The following ARFGEF1 variants were observed in gnomAD, a reference collection of about 807,000 sequenced individuals.
ARFGEF1 encodes the protein ARF guanine nucleotide exchange factor 1.
A neutral mutation model predicts 231.0 loss-of-function variants in ARFGEF1; 42 were observed. That is an observed-to-expected ratio of 0.18 (90% CI 0.14 to 0.24). The LOEUF (loss-of-function observed/expected upper bound fraction) is 0.24, where lower values mean the gene tolerates loss of function less well. Ranked by LOEUF, ARFGEF1 falls within the 10% of genes least tolerant of loss-of-function variation. The pLI is 1.00. For missense variants in ARFGEF1, 1,345 were observed against 2,192.0 expected (o/e 0.61, Z 7.72); for synonymous variants, 710 against 732.3 (o/e 0.97, Z 0.49).
intron 3 of ARFGEF1, among the ~76,000 whole-genome samples, chr8:67,300,707 G>T (rs186175264): frequency 5.3e-5 from 8 of 150,728 alleles, no homozygotes; most frequent in African/African-American, 1.7e-4. Context: ...AGCTGGGCAT[G>T]GTTACACACA....
Position 67,238,312 on chromosome 8 carries a change from ACAATTTTTGAT to A in ARFGEF1, c.3289+20_3289+30del, listed in dbSNP as rs1472579965. The stretch of plus-strand genomic sequence containing the variant: ...GTGACTTATAATGAGGAAGTTAAAA[ACAATTTTTGAT>A]ACTTTGTAAAAATTCTCACCTAGCC... On this transcript the variant is annotated intron_variant, in intron 22 of 38. Coordinates refer to ENST00000262215, the MANE Select transcript of ARFGEF1 (RefSeq NM_006421.5). 9 of 1,564,326 alleles carry A rather than the reference ACAATTTTTGAT, an allele frequency of 5.8e-6. No individual in the cohort carries two copies.
At chr8:67,175,703 T>C (rs564624965) in intron 5 of ARFGEF1, 2 of 555,156 alleles carry the variant, frequency 3.6e-6, no homozygotes, top group Non-Finnish European at 6.7e-6. Flanking sequence ...CCAGGCCAGG[T>C]GACGTCTGCA....
At chr8:67,175,832 G>A (rs1831486177) in intron 5 of ARFGEF1, among the ~76,000 whole-genome samples, 1 of 152,208 alleles carries the variant, frequency 6.6e-6, no homozygotes, top group African/African-American at 2.4e-5. Flanking sequence ...GTGTGAGTGT[G>A]TTTAAGTTTT....
At chr8:67,248,315 G>C in intron 19 of ARFGEF1, among the ~76,000 whole-genome samples, 1 of 150,258 alleles carries the variant, frequency 6.7e-6, no homozygotes, top group African/African-American at 2.5e-5. Context: ...GAACAGAATA[G>C]AGAACCCAAA....
intron 22 of ARFGEF1, among the ~76,000 whole-genome samples, chr8:67,233,966 G>A (rs762366039): frequency 6.6e-6 from 1 of 152,050 alleles, no homozygotes; most frequent in Non-Finnish European, 1.5e-5. Flanking sequence ...TCATACAGTT[G>A]CATATAAATT....
intron 1 of ARFGEF1, among the ~76,000 whole-genome samples, chr8:67,318,282 T>C (rs959861137): frequency 6.9e-6 from 1 of 144,722 alleles, no homozygotes; most frequent in Admixed American, 6.9e-5. Flanking sequence ...AAAAATCACA[T>C]GATCATTTCA....
At position 67,253,447 on chromosome 8, in the gene ARFGEF1, T is replaced by C; in HGVS notation, c.2698+4A>G. 1 of 1,529,496 alleles carries C rather than the reference T, an allele frequency of 6.5e-7. No individual in the cohort carries two copies. Among genetic ancestry groups the C allele is most frequent in the Non-Finnish European group, 9.0e-7 (1 of 1,114,976 alleles). 94.7% of individuals were successfully genotyped at this position (1,529,496 alleles called of 1,614,324 possible). A position where few individuals can be genotyped will look rare whatever the true frequency, so the allele number is the denominator to read the frequency against. On this transcript the variant is annotated splice_donor_region_variant and intron_variant, in intron 18 of 38. Coordinates refer to ENST00000262215, the MANE Select transcript of ARFGEF1 (RefSeq NM_006421.5). ...ATCAGAATTCAATTAATTTAGATAC[T>C]TACTCTGTTTACTTGATTTTGTAGG...
chr8:67,199,723 C>T (rs972120466), intron 38 of ARFGEF1: 1 of 153,960 alleles, frequency 6.5e-6, no homozygotes, highest in African/African-American at 2.4e-5. Context: ...GGATTTAGAG[C>T]CCTTGGCCTT....
At chr8:67,299,796 C>A (rs1156379463) in intron 3 of ARFGEF1, among the ~76,000 whole-genome samples, 1 of 151,956 alleles carries the variant, frequency 6.6e-6, no homozygotes, top group African/African-American at 2.4e-5. Context: ...CAGGGAAAGC[C>A]CATCTCTACA....
chr8:67,189,134 A>G (rs761422327), intron 5 of ARFGEF1, among the ~76,000 whole-genome samples: 5 of 152,326 alleles, frequency 3.3e-5, no homozygotes, highest in Middle Eastern at 3.4e-3. Context: ...TGGCAAGGTT[A>G]TGGAGCAATA....
Position 67,224,910 on chromosome 8 carries a change from T to G in ARFGEF1, c.4201A>C (p.Arg1401=), listed in dbSNP as rs779080114. The G allele has an allele frequency of 3.9e-6, 6 of 1,550,718 alleles. No individual in the cohort carries two copies. The highest frequency in any genetic ancestry group is 4.3e-6 in the Non-Finnish European group (5 of 1,149,568). ...ACAAATATAGATTGTTACCTGGTTC[T>G]TACATCTAATTTGCATCTATTGATG... ...CIINRCKLDV[R]TRGLTVMFEI... Residue 1401 remains arginine (R), a synonymous_variant, in exon 29 of 39, where the codon AGA becomes CGA. Transcript: ENST00000262215.
intron 14 of ARFGEF1, among the ~76,000 whole-genome samples, chr8:67,263,997 A>G (rs931065017): frequency 8.5e-5 from 13 of 152,160 alleles, no homozygotes; most frequent in African/African-American, 3.1e-4. Flanking sequence ...TTATATAATA[A>G]ATAGTTCTGC....
intron 1 of ARFGEF1, among the ~76,000 whole-genome samples, chr8:67,326,445 T>C (rs1334952834): frequency 1.3e-5 from 2 of 152,200 alleles, no homozygotes; most frequent in Non-Finnish European, 2.9e-5. Context: ...TTCCATACCT[T>C]TTCTGGATGT....
rs545067118 is a variant in ARFGEF1, at chr8:67,342,378, T to G, written c.124+786A>C. Among the ~76,000 whole-genome samples, 3 of 152,320 alleles carry G rather than the reference T, an allele frequency of 2.0e-5. No individual in the cohort carries two copies. The South Asian group carries it at 6.2e-4, about 32-fold the overall frequency. The stretch of plus-strand genomic sequence containing the variant: ...TTCCATCTGAACTATAAATCACAAT[T>G]CAAGCTTGAGAGCAGCTGCCACTGT... On this transcript the variant is annotated intron_variant, in intron 1 of 38. Transcript: ENST00000262215.
rs796176954 is a variant in ARFGEF1 at position 67,283,353 on chromosome 8, CAGG to C, written c.1027+4599_1027+4601del. Among the ~76,000 whole-genome samples, 4 of 152,056 alleles carry C rather than the reference CAGG, an allele frequency of 2.6e-5. No individual in the cohort carries two copies. The East Asian group carries it at 7.7e-4, about 29-fold the overall frequency. Reference sequence around the variant, plus strand: ...AAAATAATCTAAATGCTAGTATTAACAGGAGATTATTTAAATAAATTATGGCCC... The same window carrying C: ...AAAATAATCTAAATGCTAGTATTAACAGATTATTTAAATAAATTATGGCCC... On this transcript the variant is annotated intron_variant, in intron 7 of 38. Transcript: ENST00000262215.
At chr8:67,270,844 G>A (rs1805055074) in intron 10 of ARFGEF1, among the ~76,000 whole-genome samples, 1 of 151,210 alleles carries the variant, frequency 6.6e-6, no homozygotes, top group South Asian at 2.1e-4. Context: ...GACCAACATG[G>A]AGAAACCCTG....
Position 67,343,609 on chromosome 8 carries a change from G to T in ARFGEF1, c.-322C>A, listed in dbSNP as rs933244495. ...CCCTCCGGCCCTGGTGGCGGTGAGG[G>T]AGCCCGGCCCGGGCGGCTGTCTGCC... On this transcript the variant is annotated 5_prime_UTR_variant, in exon 1 of 39. Coordinates refer to ENST00000262215, the MANE Select transcript of ARFGEF1 (RefSeq NM_006421.5). The T allele has an allele frequency of 1.3e-5, 14 of 1,050,406 alleles. No homozygotes were observed. The highest frequency in any genetic ancestry group is 1.7e-5 in the African/African-American group (1 of 58,990). 65.1% of individuals were successfully genotyped at this position (1,050,406 alleles called of 1,614,324 possible). A position where few individuals can be genotyped will look rare whatever the true frequency, so the allele number is the denominator to read the frequency against.
At chr8:67,206,664 A>C (rs1176431590) in intron 34 of ARFGEF1, among the ~76,000 whole-genome samples, 2 of 152,188 alleles carry the variant, frequency 1.3e-5, no homozygotes, top group African/African-American at 4.8e-5. Context: ...GCAAGGTTAG[A>C]AAAGAGGACT....
chr8:67,220,262 G>A (rs1444202430), intron 29 of ARFGEF1, among the ~76,000 whole-genome samples: 1 of 152,200 alleles, frequency 6.6e-6, no homozygotes, highest in Non-Finnish European at 1.5e-5. Context: ...ATACTTTTAT[G>A]TAACCATTAG....
Sources: allele counts gnomAD v4.1 joint callset (sites outside exome capture counted in the v4.1 genomes callset), GRCh38; gene constraint gnomAD v4.1.1; transcripts MANE v1.5; gene names NCBI Gene and HGNC (gene_info 2026-07-23, HGNC 2026-07-21).